Variants in CEP63 observed in about 807,000 individuals in gnomAD.
CEP63 encodes centrosomal protein of 63 kDa.
In CEP63, 84 loss-of-function variants were observed where a neutral mutation model predicts 89.1. The observed-to-expected ratio is 0.94, with a 90% CI of 0.79 to 1.13. The LOEUF (loss-of-function observed/expected upper bound fraction) is 1.13. Ranked by LOEUF, CEP63 falls within the 50% of genes most tolerant of loss-of-function variation. CEP63 has a pLI of 0.00. For missense variants in CEP63, 838 were observed against 813.3 expected (o/e 1.03, Z -0.37); for synonymous variants, 267 against 272.5 (o/e 0.98, Z 0.20).
chr3:134,730,586 A>G, the CEP63 span, among the ~76,000 whole-genome samples: 7,867 of 152,328 alleles, frequency 0.052, 268 homozygotes, highest in Middle Eastern at 0.082. Flanking sequence ...TGGATCTGAT[A>G]GAAGAAAATA....
chr3:134,679,007 T>A, the CEP63 span, among the ~76,000 whole-genome samples: 1 of 151,746 alleles, frequency 6.6e-6, no homozygotes, highest in East Asian at 1.9e-4. Flanking sequence ...CAAAGAAAGC[T>A]GGTGATGTAT....
the CEP63 span, among the ~76,000 whole-genome samples, chr3:134,713,972 T>C: frequency 6.6e-6 from 1 of 152,188 alleles, no homozygotes; most frequent in Non-Finnish European, 1.5e-5. Context: ...ATCCGCTGTG[T>C]GCTGAGCCAC....
chr3:134,551,140 G>C (rs918352588), intron 11 of CEP63, among the ~76,000 whole-genome samples: 2 of 152,136 alleles, frequency 1.3e-5, no homozygotes, highest in African/African-American at 4.8e-5. Context: ...ACATTGGTTT[G>C]ACACATTTGT....
At chr3:134,572,774 T>C (rs1318671715) in intron 11 of CEP63, among the ~76,000 whole-genome samples, 1 of 152,210 alleles carries the variant, frequency 6.6e-6, no homozygotes, top group Non-Finnish European at 1.5e-5. Flanking sequence ...ATATACCTAG[T>C]AATGGAATTG....
rs1299046331 is a variant in CEP63 at position 134,550,196 on chromosome 3, C to T, written c.1316C>T (p.Ser439Leu). Residue 439 changes from serine (S) to leucine (L), a missense_variant, in exon 11 of 15, where the codon TCA becomes TTA. Coordinates refer to ENST00000675561, the MANE Select transcript of CEP63 (RefSeq NM_001353108.3). ...ATTGCTTCCACCAAAGGTTCTTCCTCAGACATGGAAAAGCGACTCAGAGCA... is the reference window on the plus strand; with the variant it reads ...ATTGCTTCCACCAAAGGTTCTTCCTTAGACATGGAAAAGCGACTCAGAGCA... The part of the protein sequence containing the change: ...ITIASTKGSS[S>L]DMEKRLRAEM... 1.2e-6 allele frequency: 2 copies of T among 1,614,082 alleles called. No homozygotes were observed.
intron 6 of CEP63, among the ~76,000 whole-genome samples, chr3:134,543,059 T>C (rs1411452879): frequency 1.3e-5 from 2 of 152,228 alleles, no homozygotes; most frequent in African/African-American, 4.8e-5. Flanking sequence ...TTCTTAGTAT[T>C]GATGAAGTGT....
chr3:134,693,728 A>T, the CEP63 span, among the ~76,000 whole-genome samples: 2 of 152,194 alleles, frequency 1.3e-5, no homozygotes, highest in Non-Finnish European at 2.9e-5. Flanking sequence ...ATGGTCACCA[A>T]ACTCTTGGAA....
chr3:134,716,804 A>G, the CEP63 span, among the ~76,000 whole-genome samples: 1 of 152,170 alleles, frequency 6.6e-6, no homozygotes, highest in Non-Finnish European at 1.5e-5. Context: ...ATGGTCAATT[A>G]CTTTACACCC....
At chr3:134,742,873 T>C in the CEP63 span, among the ~76,000 whole-genome samples, 3 of 152,202 alleles carry the variant, frequency 2.0e-5, no homozygotes, top group Non-Finnish European at 4.4e-5. Context: ...TCCAGAACTG[T>C]GAACCAATAA....
At chr3:134,487,215 T>A (rs1935879324) in intron 1 of CEP63, among the ~76,000 whole-genome samples, 1 of 152,236 alleles carries the variant, frequency 6.6e-6, no homozygotes, top group South Asian at 2.1e-4. Context: ...CTGTTAGCTG[T>A]AGCTTAATGA....
intron 1 of CEP63, among the ~76,000 whole-genome samples, chr3:134,493,201 T>TA (rs1445610999): frequency 6.6e-6 from 1 of 152,112 alleles, no homozygotes; most frequent in African/African-American, 2.4e-5. Context: ...GCATGCTACT[T>TA]ACAGTGGACA....
chr3:134,625,834 CT>C, the CEP63 span, among the ~76,000 whole-genome samples: 9 of 152,372 alleles, frequency 5.9e-5, no homozygotes, highest in African/African-American at 1.9e-4. Context: ...CACAGGGAGC[CT>C]GCTGACCAGA....
At chr3:134,626,320 C>T in the CEP63 span, among the ~76,000 whole-genome samples, 1 of 152,192 alleles carries the variant, frequency 6.6e-6, no homozygotes, top group Admixed American at 6.5e-5. Flanking sequence ...TGAGAAAGCA[C>T]CTGATGGACC....
chr3:134,516,465 C>T (rs1946247563), intron 3 of CEP63, among the ~76,000 whole-genome samples: 1 of 152,186 alleles, frequency 6.6e-6, no homozygotes, highest in South Asian at 2.1e-4. Flanking sequence ...ACTAATCCTC[C>T]TCAGCACAGA....
chr3:134,626,141 C>T, the CEP63 span, among the ~76,000 whole-genome samples: 4 of 152,162 alleles, frequency 2.6e-5, no homozygotes, highest in South Asian at 8.3e-4. Context: ...GGTGGGAAGA[C>T]AGGATGGGGG....
chr3:134,672,704 C>T, the CEP63 span, among the ~76,000 whole-genome samples: 2 of 152,178 alleles, frequency 1.3e-5, no homozygotes, highest in African/African-American at 4.8e-5. Flanking sequence ...CTCTTGTCTT[C>T]CTCTTACTGT....
chr3:134,521,385 C>G (rs1207111844), intron 3 of CEP63, among the ~76,000 whole-genome samples: 1 of 152,136 alleles, frequency 6.6e-6, no homozygotes, highest in East Asian at 1.9e-4. Context: ...AGTCAATTCC[C>G]ATTTTCAGTA....
At chr3:134,539,063 A>G (rs1951460608) in intron 6 of CEP63, among the ~76,000 whole-genome samples, 1 of 152,198 alleles carries the variant, frequency 6.6e-6, no homozygotes, top group Admixed American at 6.5e-5. Flanking sequence ...TAAAAATGTT[A>G]CATATAAATG....
chr3:134,722,527 T>C, the CEP63 span, among the ~76,000 whole-genome samples: 8 of 152,128 alleles, frequency 5.3e-5, no homozygotes. Context: ...GATTTTCATA[T>C]TGTTTTTCTA....
Sources: gnomAD v4.1 joint callset for allele counts (sites outside exome capture counted in the v4.1 genomes callset) on GRCh38, gnomAD v4.1.1 for gene constraint, MANE v1.5 for transcripts, NCBI Gene and HGNC (gene_info 2026-07-23, HGNC 2026-07-21) for gene names.